PDE11A: variants seen among roughly 807,000 people sequenced by gnomAD.
PDE11A encodes the protein phosphodiesterase 11A.
In PDE11A, 100 loss-of-function variants were observed where a neutral mutation model predicts 100.5. That is an observed-to-expected ratio of 1.00 (90% CI 0.85 to 1.18). PDE11A has a LOEUF of 1.18. Ranked by LOEUF, PDE11A falls within the 50% of genes most tolerant of loss-of-function variation. The pLI, the probability that PDE11A is intolerant of heterozygous loss-of-function variation, is 0.00. For missense variants in PDE11A, 1,141 were observed against 1,152.6 expected (o/e 0.99, Z 0.15); for synonymous variants, 381 against 420.8 (o/e 0.91, Z 1.16).
At chr2:177,658,631 T>C (rs75088039) in intron 19 of PDE11A, among the ~76,000 whole-genome samples, 11,202 of 151,980 alleles carry the variant, frequency 0.074, 498 homozygotes, top group East Asian at 0.18. Context: ...AGTAAGAAAC[T>C]AGACCCAACT....
intron 19 of PDE11A, among the ~76,000 whole-genome samples, chr2:177,657,153 T>G (rs2080401929): frequency 6.6e-6 from 1 of 152,202 alleles, no homozygotes; most frequent in Non-Finnish European, 1.5e-5. Flanking sequence ...CTTTTGAATA[T>G]TAATGTTTCT....
At chr2:177,927,979 C>T (rs753993643) in intron 2 of PDE11A, among the ~76,000 whole-genome samples, 125 of 152,018 alleles carry the variant, frequency 8.2e-4, no homozygotes, top group Non-Finnish European at 1.6e-3. Flanking sequence ...TGGTGCATGC[C>T]TGTAATCCCA....
chr2:177,808,019 ATACTT>A lies in PDE11A; in HGVS notation c.1737+8805_1737+8809del, dbSNP rs375515792. On this transcript the variant is annotated intron_variant, in intron 9 of 19. Coordinates refer to ENST00000286063, the MANE Select transcript of PDE11A (RefSeq NM_016953.4). ...CGTGAAATTTGAGGTTTGTTAGAAA[ATACTT>A]TAAGGAAATGGAGAAAAGTTTCAGA... Among the ~76,000 whole-genome samples, 22 of 152,366 alleles carry A rather than the reference ATACTT, an allele frequency of 1.4e-4. No homozygotes were observed. In the East Asian group the frequency reaches 1.9e-3, roughly 13 times the overall value.
intron 19 of PDE11A, among the ~76,000 whole-genome samples, chr2:177,640,989 T>G (rs1240265368): frequency 1.3e-5 from 2 of 152,216 alleles, no homozygotes; most frequent in African/African-American, 2.4e-5. Context: ...ACAACCCTGG[T>G]TTAGGCTACC....
At chr2:177,842,442 A>G (rs971582628) in intron 5 of PDE11A, among the ~76,000 whole-genome samples, 2 of 152,244 alleles carry the variant, frequency 1.3e-5, no homozygotes, top group African/African-American at 4.8e-5. Context: ...TTCTTGGCAC[A>G]ATGAGTAATT....
chr2:177,949,212 G>A (rs2085477840), intron 2 of PDE11A, among the ~76,000 whole-genome samples: 1 of 152,024 alleles, frequency 6.6e-6, no homozygotes, highest in African/African-American at 2.4e-5. Flanking sequence ...ATTTATACTG[G>A]TGAGTTATAG....
intron 5 of PDE11A, among the ~76,000 whole-genome samples, chr2:177,860,332 T>C (rs757234663): frequency 3.0e-4 from 45 of 151,694 alleles, no homozygotes; most frequent in Non-Finnish European, 5.6e-4. Context: ...AATAATGGTA[T>C]GCCAAAAAAT....
chr2:178,072,814 G>T, upstream of PDE11A: 1 of 1,209,134 alleles, frequency 8.3e-7, no homozygotes, highest in South Asian at 1.6e-5. Context: ...GGTAGGGCAG[G>T]ACACGCCCCT....
At chr2:177,714,181 G>A (rs2081401671) in intron 12 of PDE11A, among the ~76,000 whole-genome samples, 1 of 151,730 alleles carries the variant, frequency 6.6e-6, no homozygotes, top group Non-Finnish European at 1.5e-5. Context: ...TTTTAGTAGA[G>A]ATGGGGTTTC....
At chr2:177,706,215 A>G (rs147950722) in intron 13 of PDE11A, among the ~76,000 whole-genome samples, 9 of 152,352 alleles carry the variant, frequency 5.9e-5, no homozygotes, top group African/African-American at 2.2e-4. Flanking sequence ...TGCATTTTAT[A>G]TAGTAATTTG....
At chr2:177,928,104 C>CAAAAAA (rs59085357) in intron 2 of PDE11A, among the ~76,000 whole-genome samples, 23 of 56,308 alleles carry the variant, frequency 4.1e-4, no homozygotes, top group South Asian at 7.1e-4. Flanking sequence ...AACTCCATCT[C>CAAAAAA]AAAAAAAAAA....
upstream of PDE11A, among the ~76,000 whole-genome samples, chr2:178,075,534 AGAGTGAGACTCTGTCTC>A (rs553325377): frequency 2.2e-4 from 31 of 138,736 alleles, no homozygotes; most frequent in Non-Finnish European, 3.2e-4. Flanking sequence ...CCTGGGCAAC[AGAGTGAGACTCTGTCTC>A]AAAAAAAAAA....
At chr2:177,664,290 G>A (rs2080535178) in intron 18 of PDE11A, among the ~76,000 whole-genome samples, 1 of 152,138 alleles carries the variant, frequency 6.6e-6, no homozygotes, top group Non-Finnish European at 1.5e-5. Flanking sequence ...ATGTTTTACT[G>A]CCACAAAAAT....
intron 10 of PDE11A, among the ~76,000 whole-genome samples, chr2:177,731,651 G>A (rs1455210950): frequency 6.6e-6 from 1 of 152,150 alleles, no homozygotes. Flanking sequence ...GTAGAACAAA[G>A]GATATGGGGC....
intron 2 of PDE11A, among the ~76,000 whole-genome samples, chr2:177,981,314 T>C (rs903923673): frequency 2.0e-5 from 3 of 150,468 alleles, no homozygotes; most frequent in Non-Finnish European, 4.5e-5. Context: ...ACGACTGAAA[T>C]GTATTGTCTC....
At chr2:178,100,154 T>C (rs2087545143) in intron 2 of PDE11A, among the ~76,000 whole-genome samples, 1 of 152,122 alleles carries the variant, frequency 6.6e-6, no homozygotes, top group Non-Finnish European at 1.5e-5. Context: ...GTTCTGGAAA[T>C]GGATGGTGGT....
chr2:177,643,744 C>T (rs2080180325), intron 19 of PDE11A, among the ~76,000 whole-genome samples: 1 of 152,188 alleles, frequency 6.6e-6, no homozygotes, highest in African/African-American at 2.4e-5. Context: ...CCATCACAGG[C>T]CCAGAGTCCT....
At chr2:177,889,782 C>G (rs1223872240) in intron 4 of PDE11A, among the ~76,000 whole-genome samples, 4 of 151,616 alleles carry the variant, frequency 2.6e-5, no homozygotes. Context: ...ATTCCTTAAG[C>G]TTTTGTATCT....
chr2:177,838,210 C>T (rs1171696902), intron 6 of PDE11A, among the ~76,000 whole-genome samples: 1 of 152,126 alleles, frequency 6.6e-6, no homozygotes, highest in Non-Finnish European at 1.5e-5. Flanking sequence ...TCCAGCCATA[C>T]CTGTTTGTTA....
Sources: allele counts gnomAD v4.1 joint callset (sites outside exome capture counted in the v4.1 genomes callset), GRCh38; gene constraint gnomAD v4.1.1; transcripts MANE v1.5; gene names NCBI Gene and HGNC (gene_info 2026-07-23, HGNC 2026-07-21).